Variants in SPACA7 observed in about 807,000 individuals in gnomAD.
The protein encoded by SPACA7 is sperm acrosome-associated protein 7.
In SPACA7, 19 loss-of-function variants were observed where a neutral mutation model predicts 26.3. The ratio of observed to expected loss-of-function variants is 0.72; its 90% CI spans 0.50 to 1.06. The LOEUF (loss-of-function observed/expected upper bound fraction) is 1.06. SPACA7 is among the 50% of genes least tolerant of loss of function. The pLI, the probability that SPACA7 is intolerant of heterozygous loss-of-function variation, is 0.00. For missense variants in SPACA7, 211 were observed against 229.9 expected (o/e 0.92, Z 0.53); for synonymous variants, 84 against 84.5 (o/e 0.99, Z 0.04).
At chr13:112,427,980 G>C (rs968980503) in intron 5 of SPACA7, among the ~76,000 whole-genome samples, 1 of 152,038 alleles carries the variant, frequency 6.6e-6, no homozygotes, top group Non-Finnish European at 1.5e-5. Context: ...AGAGAACCAG[G>C]TTTTTTGTTT....
intron 5 of SPACA7, among the ~76,000 whole-genome samples, chr13:112,410,392 G>A (rs891787325): frequency 1.9e-4 from 29 of 151,768 alleles, no homozygotes; most frequent in Non-Finnish European, 2.7e-4. Flanking sequence ...TATATTCCTT[G>A]TTGTTTAAAT....
chr13:112,419,732 T>C (rs1270826360), intron 5 of SPACA7, among the ~76,000 whole-genome samples: 1 of 152,132 alleles, frequency 6.6e-6, no homozygotes, highest in East Asian at 1.9e-4. Flanking sequence ...AGAAGTGACA[T>C]GGGTGCTGAT....
At chr13:112,381,051 T>C (rs1330063152) in intron 1 of SPACA7, among the ~76,000 whole-genome samples, 4 of 124,458 alleles carry the variant, frequency 3.2e-5, no homozygotes, top group Non-Finnish European at 7.1e-5. Context: ...CTCTGTATCA[T>C]ATAAAATAAG....
At chr13:112,433,334 C>T (rs1459270530) in intron 6 of SPACA7, among the ~76,000 whole-genome samples, 1 of 148,358 alleles carries the variant, frequency 6.7e-6, no homozygotes, top group Non-Finnish European at 1.5e-5. Flanking sequence ...ACATTGAGAC[C>T]CTGTCACCTT....
At chr13:112,409,367 G>A (rs1886197945) in intron 5 of SPACA7, among the ~76,000 whole-genome samples, 1 of 152,150 alleles carries the variant, frequency 6.6e-6, no homozygotes, top group Non-Finnish European at 1.5e-5. Context: ...TGACAAATGG[G>A]ATCTAATTAA....
intron 1 of SPACA7, among the ~76,000 whole-genome samples, chr13:112,377,300 A>G (rs893095767): frequency 5.3e-5 from 8 of 152,342 alleles, no homozygotes; most frequent in African/African-American, 1.9e-4. Context: ...AGTTTAATAA[A>G]AATTGATTAT....
chr13:112,432,672 C>T (rs764555403), intron 6 of SPACA7, 151 bp downstream of exon 6: 16 of 629,768 alleles, frequency 2.5e-5, no homozygotes, highest in Admixed American at 1.7e-4. Flanking sequence ...CCTGTCCAAC[C>T]GTTGATGTGT....
At position 112,434,571 on chromosome 13, in the gene SPACA7, G is replaced by A. The variant is rs1877553491; in HGVS notation, c.*22G>A. The A allele has an allele frequency of 6.3e-7, 1 of 1,585,832 alleles. No individual in the cohort carries two copies. The highest frequency in any genetic ancestry group is 1.1e-5 in the South Asian group (1 of 87,148). On this transcript the variant is annotated 3_prime_UTR_variant, in exon 7 of 7. Transcript: ENST00000283550. ...GTGAGGCCGCAGCCCCAGACCCCCTGCGCAGGAGAGGAGCCTGCTAGAACC... is the reference window on the plus strand; with the variant it reads ...GTGAGGCCGCAGCCCCAGACCCCCTACGCAGGAGAGGAGCCTGCTAGAACC...
chr13:112,409,243 A>G (rs956724816), intron 5 of SPACA7, among the ~76,000 whole-genome samples: 29 of 152,232 alleles, frequency 1.9e-4, no homozygotes, highest in Non-Finnish European at 4.1e-4. Flanking sequence ...TAAATGTTAG[A>G]CCTAAAATCA....
intron 5 of SPACA7, among the ~76,000 whole-genome samples, chr13:112,409,675 C>G (rs1594296257): frequency 6.6e-6 from 1 of 152,198 alleles, no homozygotes; most frequent in Non-Finnish European, 1.5e-5. Context: ...GATACCATCT[C>G]ACACCAGTTA....
At chr13:112,424,338 G>A (rs978877879) in intron 5 of SPACA7, among the ~76,000 whole-genome samples, 4 of 152,174 alleles carry the variant, frequency 2.6e-5, no homozygotes, top group African/African-American at 9.7e-5. Context: ...CTGAAGTGGA[G>A]CTTCTGCTTC....
At chr13:112,385,496 T>A (rs1884466556) in intron 1 of SPACA7, among the ~76,000 whole-genome samples, 1 of 152,220 alleles carries the variant, frequency 6.6e-6, no homozygotes, top group South Asian at 2.1e-4. Context: ...CAAATGAAGA[T>A]AAGGTCTGAC....
intron 5 of SPACA7, among the ~76,000 whole-genome samples, chr13:112,430,254 C>T (rs1165784041): frequency 1.3e-5 from 2 of 150,586 alleles, no homozygotes. Flanking sequence ...TTCTCCAAAC[C>T]CCTCAGTATA....
At chr13:112,400,480 T>A (rs1885568188) in intron 4 of SPACA7, among the ~76,000 whole-genome samples, 1 of 152,214 alleles carries the variant, frequency 6.6e-6, no homozygotes, top group Non-Finnish European at 1.5e-5. Flanking sequence ...CGGTTGCTTA[T>A]TACTGTCTAC....
At chr13:112,383,147 AAGAAAGAAAGAAAGAAAGAAAGAAAG>A (rs1884273611) in intron 1 of SPACA7, among the ~76,000 whole-genome samples, 1 of 121,662 alleles carries the variant, frequency 8.2e-6, no homozygotes, top group African/African-American at 3.7e-5. Context: ...GAAAGAAAGA[AAGAAAGAAAGAAAGAAAGAAAGAAAG>A]AAAGAAAGAA....
intron 5 of SPACA7, among the ~76,000 whole-genome samples, chr13:112,419,079 A>G (rs998673818): frequency 1.3e-5 from 2 of 152,070 alleles, no homozygotes; most frequent in African/African-American, 2.4e-5. Context: ...AAAAAGTGGG[A>G]TCATCTACAA....
chr13:112,410,223 C>T (rs73580843), intron 5 of SPACA7, among the ~76,000 whole-genome samples: 39,305 of 151,310 alleles, frequency 0.26, 5,499 homozygotes, highest in South Asian at 0.38. Context: ...TGATGGGGTG[C>T]GGGGATGGGG....
chr13:112,417,829 G>T (rs900790936), intron 5 of SPACA7, among the ~76,000 whole-genome samples: 2 of 152,072 alleles, frequency 1.3e-5, no homozygotes, highest in Non-Finnish European at 2.9e-5. Context: ...AATAAATGTT[G>T]CATGGAGTGA....
chr13:112,420,033 T>C (rs1221107026), intron 5 of SPACA7, among the ~76,000 whole-genome samples: 1 of 152,180 alleles, frequency 6.6e-6, no homozygotes, highest in Non-Finnish European at 1.5e-5. Flanking sequence ...AAGATGTCAA[T>C]AGCCACAACT....
Sources: gnomAD v4.1 joint callset for allele counts (sites outside exome capture counted in the v4.1 genomes callset) on GRCh38, gnomAD v4.1.1 for gene constraint, MANE v1.5 for transcripts, NCBI Gene and HGNC (gene_info 2026-07-23, HGNC 2026-07-21) for gene names.